The following CYP24A1 variants were observed in gnomAD, a reference collection of about 807,000 sequenced individuals.
CYP24A1 encodes cytochrome P450 family 24 subfamily A member 1.
In CYP24A1, 68 loss-of-function variants were observed where a neutral mutation model predicts 62.4. That is an observed-to-expected ratio of 1.09 (90% CI 0.90 to 1.33). The LOEUF is 1.33. Ranked by LOEUF, CYP24A1 falls within the 40% of genes most tolerant of loss-of-function variation. The pLI is 0.00. For missense variants in CYP24A1, 787 were observed against 653.0 expected (o/e 1.21, Z -2.24); for synonymous variants, 267 against 253.0 (o/e 1.06, Z -0.52).
At position 54,164,404 on chromosome 20, in the gene CYP24A1, CG is replaced by C. The variant is rs760886293; in HGVS notation, c.844+47del. ...GACCTCCTCTCTGAAGCTCCAGACA[CG>C]GGGGTGCTGGGCTGGTTCTGGCTGG... On this transcript the variant is annotated intron_variant, in intron 6 of 11. Transcript: ENST00000216862. 1.2e-5 allele frequency: 19 copies of C among 1,613,504 alleles called. No individual in the cohort carries two copies. In the African/African-American group the frequency reaches 1.5e-4, roughly 12 times the overall value.
intron 3 of CYP24A1, among the ~76,000 whole-genome samples, chr20:54,170,730 G>A (rs958202305): frequency 9.2e-5 from 14 of 152,004 alleles, no homozygotes; most frequent in African/African-American, 2.9e-4. Flanking sequence ...GCACTATCAC[G>A]TTTCCTGAAA....
intron 11 of CYP24A1, among the ~76,000 whole-genome samples, chr20:54,155,908 T>C (rs1465197351): frequency 7.6e-6 from 1 of 131,036 alleles, no homozygotes; most frequent in Non-Finnish European, 1.5e-5. Context: ...CTATTTGGCT[T>C]ATGTTATTTA....
intron 4 of CYP24A1, among the ~76,000 whole-genome samples, chr20:54,169,380 A>G (rs1217714912): frequency 1.3e-5 from 2 of 152,246 alleles, no homozygotes; most frequent in African/African-American, 4.8e-5. Flanking sequence ...CCAGACACAC[A>G]GCAAGTATTC....
chr20:54,165,707 A>T, intron 5 of CYP24A1, 35 bp downstream of exon 5: 1 of 1,020,796 alleles, frequency 9.8e-7, no homozygotes, highest in Non-Finnish European at 1.6e-6. Flanking sequence ...TAAAACATCA[A>T]TCAAGAAAAC....
intron 2 of CYP24A1, 194 bp downstream of exon 2, chr20:54,172,715 G>T: frequency 7.5e-7 from 1 of 1,331,452 alleles, no homozygotes; most frequent in South Asian, 1.5e-5. Flanking sequence ...TGCACAGCAC[G>T]GCTTTTCCGT....
the CYP24A1 span, among the ~76,000 whole-genome samples, chr20:54,145,002 A>T: frequency 6.6e-5 from 9 of 136,326 alleles, no homozygotes; most frequent in African/African-American, 1.9e-4. Context: ...TTTGATATTG[A>T]CCCTTACAGT....
chr20:54,164,526 A>G lies in CYP24A1; in HGVS notation c.770T>C (p.Val257Ala). 1 of 1,614,168 alleles carries G rather than the reference A, an allele frequency of 6.2e-7. No homozygotes were observed. Among genetic ancestry groups the G allele is most frequent in the Middle Eastern group, 1.6e-4 (1 of 6,062 alleles). ...STFGRMMVTPVELHKSLNTKV... is the reference protein window; with the variant it reads ...STFGRMMVTPAELHKSLNTKV... ...GGTGTTGAGGCTCTTGTGCAGCTCG[A>G]CTGGAGTGACCATCATCCTCCCAAA... is the stretch of plus-strand genomic sequence containing the variant. The change falls in exon 6 of 12, where the codon GTC becomes GCC. Residue 257 changes from valine to alanine, a missense_variant. Coordinates refer to ENST00000216862, the MANE Select transcript of CYP24A1 (RefSeq NM_000782.5).
chr20:54,168,434 A>G (rs2092680111), intron 4 of CYP24A1, among the ~76,000 whole-genome samples: 1 of 151,630 alleles, frequency 6.6e-6, no homozygotes, highest in Admixed American at 6.6e-5. Flanking sequence ...ATCTCCTTTC[A>G]CAGGCTCCCC....
intron 3 of CYP24A1, 26 bp downstream of exon 3, chr20:54,171,551 A>AG: frequency 5.6e-6 from 9 of 1,613,906 alleles, no homozygotes; most frequent in Non-Finnish European, 6.8e-6. Context: ...CACGAGCCCC[A>AG]GGAAAGCTGG....
intron 7 of CYP24A1, among the ~76,000 whole-genome samples, chr20:54,160,039 A>G (rs2092644653): frequency 6.6e-6 from 1 of 152,214 alleles, no homozygotes; most frequent in Non-Finnish European, 1.5e-5. Flanking sequence ...GTGGAAATGG[A>G]CAATAAATGG....
In CYP24A1 at chr20:54,164,466, G is replaced by T; in HGVS notation, c.830C>A (p.Thr277Asn). ...VWQDHTLAWD[T>N]IFKSVKACID... ...CGGCCCTTTACCTGATTTGAAAATG[G>T]TGTCCCAGGCCAGAGTGTGGTCCTG... The change falls in exon 6 of 12, where the codon ACC (threonine) becomes AAC (asparagine). Residue 277 changes from threonine (T) to asparagine (N), a missense_variant. Transcript: ENST00000216862. 1 of 1,614,130 alleles carries T rather than the reference G, an allele frequency of 6.2e-7. No individual in the cohort carries two copies. Among genetic ancestry groups the T allele is most frequent in the South Asian group, 1.1e-5 (1 of 91,078 alleles).
the CYP24A1 span, among the ~76,000 whole-genome samples, chr20:54,144,896 T>C: frequency 6.6e-6 from 1 of 152,116 alleles, no homozygotes; most frequent in Non-Finnish European, 1.5e-5. Context: ...CCAAGATCTC[T>C]TGATGAAAGT....
chr20:54,168,220 G>A (rs541719982), intron 4 of CYP24A1, among the ~76,000 whole-genome samples: 12 of 152,276 alleles, frequency 7.9e-5, no homozygotes, highest in East Asian at 1.9e-4. Flanking sequence ...TCAGCCAGGC[G>A]CTGTCCCACC....
intron 4 of CYP24A1, among the ~76,000 whole-genome samples, chr20:54,168,189 C>T (rs1198781271): frequency 6.6e-6 from 1 of 152,236 alleles, no homozygotes; most frequent in African/African-American, 2.4e-5. Context: ...CTCTCAGATT[C>T]TCCCACAGCC....
the CYP24A1 span, among the ~76,000 whole-genome samples, chr20:54,147,893 GA>G: frequency 6.6e-6 from 1 of 152,060 alleles, no homozygotes; most frequent in African/African-American, 2.4e-5. Flanking sequence ...GAGTGCAATG[GA>G]GGGATCTTGG....
chr20:54,172,107 C>G (rs1002558215), intron 2 of CYP24A1, among the ~76,000 whole-genome samples: 1 of 152,114 alleles, frequency 6.6e-6, no homozygotes, highest in Admixed American at 6.5e-5. Flanking sequence ...CAAAATATCT[C>G]AGATTTAGAA....
the CYP24A1 span, among the ~76,000 whole-genome samples, chr20:54,144,125 T>A: frequency 4.6e-5 from 7 of 152,168 alleles, no homozygotes; most frequent in African/African-American, 1.7e-4. Context: ...GGCCCCATGC[T>A]TAGAAGTACC....
downstream of CYP24A1, among the ~76,000 whole-genome samples, chr20:54,151,662 T>C (rs1390596983): frequency 6.6e-6 from 1 of 152,052 alleles, no homozygotes; most frequent in Non-Finnish European, 1.5e-5. Flanking sequence ...TTCTCCTGCC[T>C]CAGGAGAATC....
In CYP24A1 at chr20:54,158,139, T is replaced by C. The variant is rs369690314; in HGVS notation, c.1183A>G (p.Thr395Ala). The part of the protein sequence containing the change: ...MRLTPSVPFT[T>A]RTLDKATVLG... ...ACTGTTGCCTTGTCAAGAGTCCGAG[T>C]TGTAAATGGTACACTCGGCGTAAGC... Residue 395 changes from threonine to alanine, a missense_variant, in exon 9 of 12, where the codon ACT (threonine) becomes GCT (alanine). Coordinates refer to ENST00000216862, the MANE Select transcript of CYP24A1 (RefSeq NM_000782.5). The C allele has an allele frequency of 3.7e-6, 6 of 1,613,874 alleles. No individual in the cohort carries two copies. In the African/African-American group the frequency reaches 5.3e-5, roughly 14 times the overall value.
Sources: allele counts gnomAD v4.1 joint callset (sites outside exome capture counted in the v4.1 genomes callset), GRCh38; gene constraint gnomAD v4.1.1; transcripts MANE v1.5; gene names NCBI Gene and HGNC (gene_info 2026-07-23, HGNC 2026-07-21).